Variants in STK24 observed in about 807,000 individuals in gnomAD.
STK24 encodes the protein serine/threonine-protein kinase 24.
In STK24, 21 loss-of-function variants were observed where a neutral mutation model predicts 55.6. The observed-to-expected ratio is 0.38, with a 90% confidence interval of 0.27 to 0.54. The LOEUF (loss-of-function observed/expected upper bound fraction) is 0.54, where lower values mean the gene tolerates loss of function less well. Among genes scored for constraint, STK24 ranks in the 20% least tolerant of loss-of-function variants. The pLI is 0.79. For synonymous variants in STK24, 200 were observed against 215.2 expected (o/e 0.93, Z 0.62); for missense variants, 383 against 538.4 (o/e 0.71, Z 2.86).
rs1893027305 is a variant in STK24 at position 98,448,739 on chromosome 13, GTT to G, written c.*4432_*4433del. On this transcript the variant is annotated 3_prime_UTR_variant, in exon 11 of 11. Transcript: ENST00000539966. ...CATTTTACGAAGTGGACTTCCCGGT[GTT>G]TGTTTGTTTGTTTGCAATACACTCA... 4 of 31,272 alleles carry G rather than the reference GTT, an allele frequency of 1.3e-4. 1 individual carries two copies. The highest frequency in any genetic ancestry group is 1.9e-4 in the African/African-American group (2 of 10,404). The allele number at this position is 31,272 out of a possible 1,614,324, so 1.9% of individuals were successfully genotyped here.
At chr13:98,495,007 G>A (rs1452307648) in intron 2 of STK24, among the ~76,000 whole-genome samples, 1 of 152,198 alleles carries the variant, frequency 6.6e-6, no homozygotes, top group Admixed American at 6.5e-5. Flanking sequence ...CAGGCAACAG[G>A]ATGGCGGGCT....
Position 98,499,679 on chromosome 13 carries a change from G to A in STK24, c.274-17358C>T, listed in dbSNP as rs564362861. On this transcript the variant is annotated intron_variant, in intron 2 of 10. Coordinates refer to ENST00000539966, the MANE Select transcript of STK24 (RefSeq NM_001032296.4). ...GAAGAGTGTTCCAAGAGTAAGCAGG[G>A]AGCAGTGATCAGTAGCCGAGGTAAG... is the stretch of plus-strand genomic sequence containing the variant. 2.1e-3 allele frequency among the ~76,000 whole-genome samples: 314 copies of A among 152,262 alleles called. 4 individuals are homozygous for A. Among genetic ancestry groups the A allele is most frequent in the African/African-American group, 7.3e-3 (304 of 41,546 alleles).
intron 1 of STK24, among the ~76,000 whole-genome samples, chr13:98,570,287 G>T (rs1419878319): frequency 6.6e-6 from 1 of 152,202 alleles, no homozygotes; most frequent in African/African-American, 2.4e-5. Flanking sequence ...GGTGGAAGCA[G>T]CTGCTATCTT....
intron 1 of STK24, among the ~76,000 whole-genome samples, chr13:98,542,212 A>G (rs1006423927): frequency 5.3e-5 from 8 of 151,914 alleles, no homozygotes; most frequent in African/African-American, 1.9e-4. Flanking sequence ...CCTAGCGCTG[A>G]CTGATATGTC....
intron 1 of STK24, among the ~76,000 whole-genome samples, chr13:98,550,197 G>A (rs1897125518): frequency 6.6e-6 from 1 of 152,198 alleles, no homozygotes; most frequent in African/African-American, 2.4e-5. Flanking sequence ...ACAACTGAGG[G>A]AATTCTCTAG....
At chr13:98,546,565 G>A (rs1051299920) in intron 1 of STK24, among the ~76,000 whole-genome samples, 1 of 152,180 alleles carries the variant, frequency 6.6e-6, no homozygotes, top group African/African-American at 2.4e-5. Context: ...GATGGGCTGC[G>A]TGTCCTTCCA....
intron 1 of STK24, among the ~76,000 whole-genome samples, chr13:98,560,890 C>T (rs1211539766): frequency 7.0e-6 from 1 of 143,150 alleles, no homozygotes; most frequent in Non-Finnish European, 1.5e-5. Context: ...GGCAAGACTC[C>T]GTCTCAAAAA....
chr13:98,488,746 G>T (rs1349385167), intron 2 of STK24, among the ~76,000 whole-genome samples: 2 of 151,994 alleles, frequency 1.3e-5, no homozygotes, highest in Non-Finnish European at 2.9e-5. Flanking sequence ...CGGAACCAGG[G>T]CCCCCACATT....
chr13:98,573,018 T>C (rs905658630), intron 1 of STK24, among the ~76,000 whole-genome samples: 1 of 152,150 alleles, frequency 6.6e-6, no homozygotes, highest in Admixed American at 6.5e-5. Context: ...AGCGCCAACA[T>C]GACACTCAAA....
At chr13:98,528,097 G>A (rs1050157661) in intron 1 of STK24, among the ~76,000 whole-genome samples, 1 of 152,134 alleles carries the variant, frequency 6.6e-6, no homozygotes, top group African/African-American at 2.4e-5. Flanking sequence ...CTGGGCCACC[G>A]GACTCTCATT....
intron 9 of STK24, among the ~76,000 whole-genome samples, chr13:98,459,210 C>A (rs751772794): frequency 6.6e-6 from 1 of 152,340 alleles, no homozygotes; most frequent in African/African-American, 2.4e-5. Context: ...AAATGAAGCG[C>A]AGGATGGCGC....
intron 1 of STK24, among the ~76,000 whole-genome samples, chr13:98,523,270 A>G (rs1465722421): frequency 6.6e-6 from 1 of 152,132 alleles, no homozygotes; most frequent in Non-Finnish European, 1.5e-5. Context: ...CTCCCATACT[A>G]AGAGTGGCCT....
chr13:98,500,297 G>A (rs971375466), intron 2 of STK24, among the ~76,000 whole-genome samples: 1 of 152,162 alleles, frequency 6.6e-6, no homozygotes, highest in East Asian at 1.9e-4. Context: ...TAGCATCTCT[G>A]GACTTAGTTC....
At position 98,445,673 on chromosome 13, in the gene STK24, T is replaced by C; in HGVS notation, c.*7500A>G. 6.5e-6 allele frequency: 1 copy of C among 154,414 alleles called. No individual in the cohort carries two copies. The highest frequency in any genetic ancestry group is 1.4e-5 in the Non-Finnish European group (1 of 69,430). 9.6% of individuals were successfully genotyped at this position (154,414 alleles called of 1,614,324 possible). A position where few individuals can be genotyped will look rare whatever the true frequency, so the allele number is the denominator to read the frequency against. On this transcript the variant is annotated 3_prime_UTR_variant, in exon 11 of 11. Transcript: ENST00000539966. Reference sequence around the variant, plus strand: ...ATGCATGGGGTCCTGCGCCCCCATTTCTGCCTCGGTGTCACAGGGCACACC... The same window carrying C: ...ATGCATGGGGTCCTGCGCCCCCATTCCTGCCTCGGTGTCACAGGGCACACC...
At position 98,498,137 on chromosome 13, in the gene STK24, T is replaced by A. The variant is rs186082729; in HGVS notation, c.274-15816A>T. On this transcript the variant is annotated intron_variant, in intron 2 of 10. Transcript: ENST00000539966. ...AGTTAGCTGAGCACTGATGGTCTATTGTTTGAACTGTTGATAGAGATATGA... is the reference window on the plus strand; with the variant it reads ...AGTTAGCTGAGCACTGATGGTCTATAGTTTGAACTGTTGATAGAGATATGA... Among the ~76,000 whole-genome samples, 1,383 of 152,356 alleles carry A rather than the reference T, an allele frequency of 9.1e-3. 18 individuals carry two copies. The highest frequency in any genetic ancestry group is 0.03 in the African/African-American group (1,262 of 41,578).
intron 7 of STK24, among the ~76,000 whole-genome samples, chr13:98,463,228 G>A (rs1041738130): frequency 2.6e-5 from 4 of 152,050 alleles, no homozygotes; most frequent in Non-Finnish European, 5.9e-5. Context: ...CGCCTCTTAA[G>A]CCAAGGGAAT....
At chr13:98,575,970 G>A (rs1897878341) in intron 1 of STK24, 2 of 945,944 alleles carry the variant, frequency 2.1e-6, no homozygotes, top group African/African-American at 1.8e-5. Flanking sequence ...AAAAGTCACT[G>A]GTAGGCCAAG....
intron 2 of STK24, among the ~76,000 whole-genome samples, chr13:98,487,298 A>C (rs1259832279): frequency 6.6e-6 from 1 of 152,348 alleles, no homozygotes; most frequent in East Asian, 1.9e-4. Context: ...TTCTCAACAC[A>C]ATGATGACTT....
At chr13:98,566,776 A>G (rs923552563) in intron 1 of STK24, among the ~76,000 whole-genome samples, 3 of 152,244 alleles carry the variant, frequency 2.0e-5, no homozygotes, top group Non-Finnish European at 4.4e-5. Context: ...ACTGCTGAAG[A>G]AGTGAGGCTT....
Sources: gnomAD v4.1 joint callset for allele counts (sites outside exome capture counted in the v4.1 genomes callset) on GRCh38, gnomAD v4.1.1 for gene constraint, MANE v1.5 for transcripts, NCBI Gene and HGNC (gene_info 2026-07-23, HGNC 2026-07-21) for gene names.